PDE4D: variants seen among roughly 807,000 people sequenced by gnomAD.
The protein encoded by PDE4D is phosphodiesterase 4D, also known as 3',5'-cyclic-AMP phosphodiesterase 4D.
PDE4D carries 24 observed loss-of-function variants against 87.4 expected under a neutral mutation model. The ratio of observed to expected loss-of-function variants is 0.27; its 90% CI spans 0.20 to 0.39. The LOEUF (loss-of-function observed/expected upper bound fraction) is 0.39. Among genes scored for constraint, PDE4D ranks in the 10% least tolerant of loss-of-function variants. PDE4D has a pLI of 1.00. For synonymous variants in PDE4D, 384 were observed against 383.2 expected (o/e 1.00, Z -0.02); for missense variants, 714 against 1,041.0 (o/e 0.69, Z 4.32).
At chr5:59,956,463 T>G (rs754167189) in intron 3 of PDE4D, among the ~76,000 whole-genome samples, 8 of 152,112 alleles carry the variant, frequency 5.3e-5, no homozygotes, top group Non-Finnish European at 8.8e-5. Flanking sequence ...AGCACCCACA[T>G]ACTCATTGTG....
At chr5:60,041,900 T>C (rs967298915) in intron 2 of PDE4D, among the ~76,000 whole-genome samples, 3 of 126,714 alleles carry the variant, frequency 2.4e-5, no homozygotes, top group Non-Finnish European at 3.3e-5. Context: ...CCGAGCTAGC[T>C]GCAGGATTTT....
chr5:59,252,717 G>C (rs1009694019), intron 1 of PDE4D, among the ~76,000 whole-genome samples: 1 of 151,998 alleles, frequency 6.6e-6, no homozygotes, highest in Non-Finnish European at 1.5e-5. Context: ...TGTAGAGACA[G>C]GGTCTTCCTA....
intron 1 of PDE4D, among the ~76,000 whole-genome samples, chr5:60,428,635 A>G (rs1273881482): frequency 6.6e-6 from 1 of 152,200 alleles, no homozygotes; most frequent in Non-Finnish European, 1.5e-5. Flanking sequence ...TGAAAATCCT[A>G]CTAAATGCTT....
intron 1 of PDE4D, among the ~76,000 whole-genome samples, chr5:59,872,590 T>G (rs902266626): frequency 2.0e-5 from 3 of 152,312 alleles, no homozygotes; most frequent in South Asian, 4.1e-4. Context: ...ATGGTTCAAT[T>G]GAACTTAGTT....
chr5:59,730,111 T>C (rs991664792), intron 1 of PDE4D, among the ~76,000 whole-genome samples: 1 of 152,054 alleles, frequency 6.6e-6, no homozygotes, highest in Non-Finnish European at 1.5e-5. Flanking sequence ...TCTATCACAA[T>C]ACTTCTCAAT....
At chr5:59,105,645 G>T (rs1231416589) in intron 5 of PDE4D, among the ~76,000 whole-genome samples, 1 of 152,144 alleles carries the variant, frequency 6.6e-6, no homozygotes. Flanking sequence ...CATAAATCCT[G>T]CAAGATTAAA....
At chr5:59,109,298 A>C (rs1772209751) in intron 5 of PDE4D, among the ~76,000 whole-genome samples, 1 of 152,210 alleles carries the variant, frequency 6.6e-6, no homozygotes, top group Admixed American at 6.5e-5. Context: ...CATGGACAAA[A>C]TAGTCATTAA....
intron 1 of PDE4D, among the ~76,000 whole-genome samples, chr5:59,416,078 A>G (rs1348514268): frequency 1.3e-5 from 2 of 152,344 alleles, no homozygotes; most frequent in East Asian, 3.9e-4. Context: ...GTGGGCCCTG[A>G]ACATGATCAC....
intron 2 of PDE4D, among the ~76,000 whole-genome samples, chr5:60,136,845 G>A (rs1780092940): frequency 6.6e-6 from 1 of 152,078 alleles, no homozygotes; most frequent in Admixed American, 6.6e-5. Flanking sequence ...TGTGCGGGAT[G>A]TGCAGGTTTG....
At chr5:60,050,283 G>T (rs910551007) in intron 2 of PDE4D, among the ~76,000 whole-genome samples, 2 of 152,082 alleles carry the variant, frequency 1.3e-5, no homozygotes, top group Non-Finnish European at 2.9e-5. Context: ...CTAGTGAGAT[G>T]AACCCAGTAC....
chr5:59,526,812 T>A (rs1434675996), intron 1 of PDE4D, among the ~76,000 whole-genome samples: 2 of 152,006 alleles, frequency 1.3e-5, no homozygotes, highest in Non-Finnish European at 2.9e-5. Context: ...TTTTTGTACA[T>A]ATGGTGTTTT....
intron 5 of PDE4D, among the ~76,000 whole-genome samples, chr5:59,088,737 G>A (rs1024021452): frequency 3.3e-5 from 5 of 152,162 alleles, no homozygotes; most frequent in African/African-American, 1.2e-4. Context: ...GCTAAATGAT[G>A]ACAACTCATG....
At chr5:59,797,405 G>A (rs1164563903) in intron 1 of PDE4D, among the ~76,000 whole-genome samples, 2 of 152,224 alleles carry the variant, frequency 1.3e-5, no homozygotes, top group Non-Finnish European at 2.9e-5. Context: ...CTCGTTAGAT[G>A]CTTTGGGCAA....
intron 5 of PDE4D, among the ~76,000 whole-genome samples, chr5:59,169,576 G>A (rs910145073): frequency 2.0e-5 from 3 of 152,126 alleles, no homozygotes; most frequent in African/African-American, 7.2e-5. Flanking sequence ...ATATCACCTT[G>A]TATCTTCTTT....
intron 1 of PDE4D, among the ~76,000 whole-genome samples, chr5:59,874,478 G>A (rs1369243181): frequency 1.3e-5 from 2 of 152,062 alleles, no homozygotes; most frequent in Non-Finnish European, 2.9e-5. Flanking sequence ...TAACAAGACT[G>A]TAGATAATAG....
chr5:60,259,045 G>C (rs189599703), intron 1 of PDE4D, among the ~76,000 whole-genome samples: 43 of 152,000 alleles, frequency 2.8e-4, no homozygotes, highest in Middle Eastern at 3.4e-3. Context: ...CTACATATAA[G>C]CTCATCATAT....
At chr5:59,764,631 A>C (rs567707885) in intron 1 of PDE4D, among the ~76,000 whole-genome samples, 1 of 151,230 alleles carries the variant, frequency 6.6e-6, no homozygotes, top group South Asian at 2.1e-4. Context: ...CAGGATGTTT[A>C]CTTAAGAAAA....
At chr5:60,268,318 C>G (rs113049109) in intron 1 of PDE4D, among the ~76,000 whole-genome samples, 2,128 of 152,282 alleles carry the variant, frequency 0.014, 24 homozygotes, top group Middle Eastern at 0.034. Flanking sequence ...ATTTTATTTG[C>G]TTACTTCTAG....
At chr5:59,406,874 T>G (rs1475275985) in intron 1 of PDE4D, among the ~76,000 whole-genome samples, 1 of 152,234 alleles carries the variant, frequency 6.6e-6, no homozygotes, top group Non-Finnish European at 1.5e-5. Flanking sequence ...TTTCTTAAAC[T>G]CTTTTTATAT....
Sources: gnomAD v4.1 joint callset for allele counts (sites outside exome capture counted in the v4.1 genomes callset) on GRCh38, gnomAD v4.1.1 for gene constraint, MANE v1.5 for transcripts, NCBI Gene and HGNC (gene_info 2026-07-23, HGNC 2026-07-21) for gene names.